FAIM: variants seen among roughly 807,000 people sequenced by gnomAD.
FAIM encodes the protein Fas apoptotic inhibitory molecule.
FAIM carries 14 observed loss-of-function variants against 21.2 expected under a neutral mutation model. The observed-to-expected ratio is 0.66, with a 90% confidence interval of 0.44 to 1.03. The LOEUF is 1.03. Ranked by LOEUF, FAIM falls within the 50% of genes least tolerant of loss-of-function variation. The pLI, the probability that FAIM is intolerant of heterozygous loss-of-function variation, is 0.00. For synonymous variants in FAIM, 86 were observed against 80.4 expected, an observed-to-expected ratio of 1.07 and a Z score of -0.37; for missense variants, 222 against 247.1, an observed-to-expected ratio of 0.90 and a Z score of 0.68.
chr3:138,633,002 A>G lies in FAIM; in HGVS notation c.529A>G (p.Ser177Gly). 1 of 1,613,972 alleles carries G rather than the reference A, an allele frequency of 6.2e-7. No individual in the cohort carries two copies. Among genetic ancestry groups the G allele is most frequent in the South Asian group, 1.1e-5 (1 of 91,072 alleles). Residue 177 changes from serine (S) to glycine (G), a missense_variant, in exon 6 of 6, where the codon AGT becomes GGT. Physicochemically the swap from Ser to Gly is moderately conservative, Grantham distance 56. Coordinates refer to ENST00000360570, the MANE Select transcript of FAIM (RefSeq NM_001033031.2). ...GNHDCYIKAV[S>G]SGKRKEGIIH... ...CCATGACTGTTACATAAAGGCTGTC[A>G]GTAGTGGGAAGCGGAAAGAAGGGAT...
At position 138,608,855 on chromosome 3, in the gene FAIM, A is replaced by C. The variant is rs1378187578; in HGVS notation, c.-99A>C. On this transcript the variant is annotated 5_prime_UTR_variant, in exon 1 of 6. Transcript: ENST00000360570. The stretch of plus-strand genomic sequence containing the variant: ...GTTTCTCGGCCAGGGGAGCAAGGCC[A>C]CGCGGCCTACGCAGCCGAGTCGGAA... 1 of 152,338 alleles carries C rather than the reference A, an allele frequency of 6.6e-6. No homozygotes were observed. The highest frequency in any genetic ancestry group is 1.5e-5 in the Non-Finnish European group (1 of 68,134). The allele number at this position is 152,338 out of a possible 1,614,324, so 9.4% of individuals were successfully genotyped here.
chr3:138,631,257 T>G (rs2043002179), intron 5 of FAIM: 1 of 151,872 alleles, frequency 6.6e-6, no homozygotes, highest in African/African-American at 2.4e-5. Context: ...CTATAAATTT[T>G]TTTTTTTAAG....
intron 1 of FAIM, among the ~76,000 whole-genome samples, chr3:138,613,566 CT>C (rs2042794204): frequency 6.6e-6 from 1 of 152,170 alleles, no homozygotes; most frequent in Non-Finnish European, 1.5e-5. Flanking sequence ...CACCTGCAGC[CT>C]TGACCTCTCA....
Position 138,621,499 on chromosome 3 carries a change from G to A in FAIM, c.137G>A (p.Gly46Glu), listed in dbSNP as rs1434900456. ...DGVHKIEFEH[G>E]TTSGKRVVYV... is the part of the protein sequence containing the mutation. The stretch of plus-strand genomic sequence containing the variant: ...GTCCACAAGATCGAATTTGAACATG[G>A]GACTACATCAGGCAAACGAGTAGTA... Residue 46 changes from glycine to glutamate, a missense_variant, in exon 3 of 6, where the codon GGG becomes GAG. Physicochemically the swap from Gly to Glu is moderately conservative, Grantham distance 98 (BLOSUM62 -2). Coordinates refer to ENST00000360570, the MANE Select transcript of FAIM (RefSeq NM_001033031.2). The A allele has an allele frequency of 3.1e-6, 5 of 1,613,836 alleles. No homozygotes were observed. The South Asian group carries it at 5.5e-5, about 18-fold the overall frequency.
At chr3:138,610,874 G>A (rs1231493249) in intron 1 of FAIM, 65 of 1,183,442 alleles carry the variant, frequency 5.5e-5, no homozygotes, top group Non-Finnish European at 7.5e-5. Context: ...GTGAGCCATC[G>A]CGCCTGGCCA....
chr3:138,617,399 TTATATATAATATG>T (rs1345173045), intron 1 of FAIM, among the ~76,000 whole-genome samples: 5 of 146,202 alleles, frequency 3.4e-5, no homozygotes, highest in Non-Finnish European at 7.6e-5. Context: ...TATGTATATA[TTATATATAATATG>T]TATATATAAT....
intron 4 of FAIM, among the ~76,000 whole-genome samples, chr3:138,626,350 A>C (rs2042938865): frequency 6.6e-6 from 1 of 152,208 alleles, no homozygotes. Flanking sequence ...TCTTGCTTCC[A>C]TCCCTGTTCC....
chr3:138,624,034 T>C (rs2042915138), intron 4 of FAIM, among the ~76,000 whole-genome samples: 1 of 152,202 alleles, frequency 6.6e-6, no homozygotes, highest in Non-Finnish European at 1.5e-5. Flanking sequence ...CTGAATCTCA[T>C]TTTTTTCTTT....
At chr3:138,626,950 AGTTTT>A (rs2108353078) in intron 4 of FAIM, among the ~76,000 whole-genome samples, 1 of 152,148 alleles carries the variant, frequency 6.6e-6, no homozygotes, top group South Asian at 2.1e-4. Flanking sequence ...TGAGCATCTT[AGTTTT>A]AAGTTTCTTT....
intron 5 of FAIM, chr3:138,630,468 T>C (rs1433688860): frequency 6.6e-6 from 1 of 152,122 alleles, no homozygotes; most frequent in Non-Finnish European, 1.5e-5. Flanking sequence ...AATTAATCAA[T>C]CAATTGAAAT....
chr3:138,621,356 TATTTA>T, intron 2 of FAIM, 46 bp from the exon 3 acceptor site: 5 of 1,545,708 alleles, frequency 3.2e-6, no homozygotes, highest in Non-Finnish European at 4.4e-6. Flanking sequence ...ATTAATTGGT[TATTTA>T]ATTAGTATTT....
Position 138,619,723 on chromosome 3 carries a change from A to T in FAIM, c.-4A>T, listed in dbSNP as rs2042864192. The T allele has an allele frequency of 3.7e-6, 6 of 1,613,014 alleles. No homozygotes were observed. In the East Asian group the frequency reaches 6.7e-5, roughly 18 times the overall value. On this transcript the variant is annotated 5_prime_UTR_variant, in exon 2 of 6. Coordinates refer to ENST00000360570, the MANE Select transcript of FAIM (RefSeq NM_001033031.2). ...AATTGGATTAAAGACTGTTTTTGCC[A>T]ACCATGGCATCTGGAGATGACAGTC...
chr3:138,621,336 T>C, intron 2 of FAIM, 71 bp from the exon 3 acceptor site: 3 of 1,481,952 alleles, frequency 2.0e-6, no homozygotes, highest in Non-Finnish European at 2.8e-6. Context: ...AATATTTTCA[T>C]CTTGGAAGGA....
At chr3:138,612,096 A>ATTTTTTTTTTTTTTTTT (rs138371254) in intron 1 of FAIM, among the ~76,000 whole-genome samples, 1 of 100,810 alleles carries the variant, frequency 9.9e-6, no homozygotes, top group Non-Finnish European at 1.9e-5. Flanking sequence ...TTGTCTGGCT[A>ATTTTTTTTTTTTTTTTT]TTTTTTTTTT....
intron 4 of FAIM, among the ~76,000 whole-genome samples, chr3:138,623,341 C>T (rs113570150): frequency 2.6e-4 from 39 of 152,010 alleles, no homozygotes; most frequent in African/African-American, 8.9e-4. Context: ...TACTCGTGTT[C>T]TCTATTGCTT....
intron 1 of FAIM, among the ~76,000 whole-genome samples, chr3:138,617,800 T>C (rs1356685794): frequency 6.9e-6 from 1 of 145,898 alleles, no homozygotes; most frequent in Non-Finnish European, 1.5e-5. Flanking sequence ...TATATATTAT[T>C]ATTTTGGACA....
intron 1 of FAIM, among the ~76,000 whole-genome samples, chr3:138,617,261 A>G (rs1333470045): frequency 6.6e-6 from 1 of 151,478 alleles, no homozygotes; most frequent in Non-Finnish European, 1.5e-5. Context: ...TGAACTTTCT[A>G]GAGTCTCTGA....
At chr3:138,621,806 G>A (rs1431994381) in intron 3 of FAIM, among the ~76,000 whole-genome samples, 3 of 149,868 alleles carry the variant, frequency 2.0e-5, no homozygotes, top group South Asian at 2.1e-4. Flanking sequence ...TTTTTGAGAC[G>A]GAGTCTCGCT....
At chr3:138,612,076 T>C (rs2042774606) in intron 1 of FAIM, among the ~76,000 whole-genome samples, 1 of 151,234 alleles carries the variant, frequency 6.6e-6, no homozygotes, top group Non-Finnish European at 1.5e-5. Flanking sequence ...GGAATCATAT[T>C]TGTCATTTTT....
Sources: allele counts gnomAD v4.1 joint callset (sites outside exome capture counted in the v4.1 genomes callset), GRCh38; gene constraint gnomAD v4.1.1; transcripts MANE v1.5; gene names NCBI Gene and HGNC (gene_info 2026-07-23, HGNC 2026-07-21).